The following MAP2K6 variants were observed in gnomAD, a reference collection of about 807,000 sequenced individuals.
MAP2K6 encodes dual specificity mitogen-activated protein kinase kinase 6.
Under a neutral mutation model 53.7 loss-of-function variants are expected in MAP2K6, and 16 were observed. The ratio of observed to expected loss-of-function variants is 0.30; its 90% CI spans 0.20 to 0.45. The LOEUF (loss-of-function observed/expected upper bound fraction) is 0.45. MAP2K6 is among the 20% of genes least tolerant of loss of function. MAP2K6 has a pLI of 1.00. For missense variants in MAP2K6, 204 were observed against 411.9 expected, an observed-to-expected ratio of 0.50 and a Z score of 4.37; for synonymous variants, 132 against 143.1, an observed-to-expected ratio of 0.92 and a Z score of 0.55.
At chr17:69,481,212 C>A (rs1322597138) in intron 1 of MAP2K6, among the ~76,000 whole-genome samples, 1 of 152,122 alleles carries the variant, frequency 6.6e-6, no homozygotes, top group Non-Finnish European at 1.5e-5. Context: ...TTTGACTACT[C>A]CAGGTACCTT....
intron 1 of MAP2K6, among the ~76,000 whole-genome samples, chr17:69,417,744 C>T (rs1905950523): frequency 6.6e-6 from 1 of 152,020 alleles, no homozygotes; most frequent in Admixed American, 6.6e-5. Context: ...CTACACTACC[C>T]GGGAGAGAAA....
Position 69,542,254 on chromosome 17 carries a change from G to A in MAP2K6, c.*501G>A, listed in dbSNP as rs1598324867. 1 of 152,490 alleles carries A rather than the reference G, an allele frequency of 6.6e-6. No individual in the cohort carries two copies. The highest frequency in any genetic ancestry group is 1.9e-4 in the East Asian group (1 of 5,176). The allele number at this position is 152,490 out of a possible 1,614,324, so 9.4% of individuals were successfully genotyped here. On this transcript the variant is annotated 3_prime_UTR_variant, in exon 12 of 12. Transcript: ENST00000590474. ...TATTTATAGGGCTTTTATTTTTTAA[G>A]TTCAATTGTGTCTGTGGTCCAGAAG...
At chr17:69,524,278 A>G (rs1335010213) in intron 8 of MAP2K6, among the ~76,000 whole-genome samples, 2 of 152,082 alleles carry the variant, frequency 1.3e-5, no homozygotes, top group African/African-American at 4.8e-5. Context: ...TCCACACTGT[A>G]TTGCAGGGGA....
In MAP2K6 at chr17:69,548,321, A is replaced by G. The variant is rs911563928; in HGVS notation, c.*6568A>G. 5 of 152,114 alleles carry G rather than the reference A, an allele frequency of 3.3e-5. No homozygotes were observed. The highest frequency in any genetic ancestry group is 6.5e-5 in the Admixed American group (1 of 15,270). 9.4% of individuals were successfully genotyped at this position (152,114 alleles called of 1,614,324 possible). A position where few individuals can be genotyped will look rare whatever the true frequency, so the allele number is the denominator to read the frequency against. On this transcript the variant is annotated 3_prime_UTR_variant, in exon 12 of 12. Coordinates refer to ENST00000590474, the MANE Select transcript of MAP2K6 (RefSeq NM_002758.4). ...CTCTAGTGGAAATCTTGTCTTCCCT[A>G]TAGAACGAGAACAGCTATGTAATTT...
chr17:69,509,843 T>A (rs1399528116), intron 2 of MAP2K6, among the ~76,000 whole-genome samples: 1 of 151,872 alleles, frequency 6.6e-6, no homozygotes, highest in East Asian at 1.9e-4. Context: ...TTTTTGATTG[T>A]TTGTTTTTGT....
chr17:69,491,081 G>A (rs189688726), intron 1 of MAP2K6, among the ~76,000 whole-genome samples: 40 of 148,244 alleles, frequency 2.7e-4, no homozygotes, highest in African/African-American at 9.8e-4. Context: ...ATAGTACTTC[G>A]TGGTGTATAT....
chr17:69,493,134 G>T (rs551902074), intron 1 of MAP2K6, among the ~76,000 whole-genome samples: 2 of 152,110 alleles, frequency 1.3e-5, no homozygotes, highest in African/African-American at 2.4e-5. Context: ...AAAAAGTTGT[G>T]TACAATTCAT....
At chr17:69,521,540 A>G (rs1910468773) in intron 7 of MAP2K6, 1 of 155,274 alleles carries the variant, frequency 6.4e-6, no homozygotes, top group Non-Finnish European at 1.4e-5. Flanking sequence ...GGTATAAAGT[A>G]GAGCCCTTTC....
intron 1 of MAP2K6, among the ~76,000 whole-genome samples, chr17:69,418,181 C>T (rs919347948): frequency 2.0e-5 from 3 of 152,170 alleles, no homozygotes; most frequent in African/African-American, 7.2e-5. Context: ...TCTCAGGACA[C>T]AAAATCAGAA....
At chr17:69,449,532 T>C (rs924681813) in intron 1 of MAP2K6, among the ~76,000 whole-genome samples, 2 of 68,006 alleles carry the variant, frequency 2.9e-5, no homozygotes, top group African/African-American at 1.3e-4. Flanking sequence ...TCTTTCTTTG[T>C]CTTTCTTTCT....
intron 1 of MAP2K6, among the ~76,000 whole-genome samples, chr17:69,478,080 G>A (rs927616539): frequency 3.3e-5 from 5 of 152,182 alleles, no homozygotes; most frequent in Admixed American, 1.3e-4. Flanking sequence ...AGGAAATAGC[G>A]GGACTTCCAT....
At chr17:69,503,719 T>A (rs532247168) in intron 1 of MAP2K6, among the ~76,000 whole-genome samples, 1 of 152,106 alleles carries the variant, frequency 6.6e-6, no homozygotes, top group African/African-American at 2.4e-5. Flanking sequence ...TAAATGACTT[T>A]AAAAAAAATG....
rs533724466 is a variant in MAP2K6 at position 69,533,763 on chromosome 17, T to C, written c.882-2352T>C. Among the ~76,000 whole-genome samples the C allele has an allele frequency of 7.9e-4, 120 of 151,078 alleles. No homozygotes were observed. In the Middle Eastern group the frequency reaches 0.01, roughly 13 times the overall value. ...TTTTTTTTTTTTTTTTACCAGGGTCTGTGTGCAAGTCAGCAACGCTCCTGG... is the reference window on the plus strand; with the variant it reads ...TTTTTTTTTTTTTTTTACCAGGGTCCGTGTGCAAGTCAGCAACGCTCCTGG... On this transcript the variant is annotated intron_variant, in intron 10 of 11. Transcript: ENST00000590474.
chr17:69,424,235 G>A (rs753033376), intron 1 of MAP2K6, among the ~76,000 whole-genome samples: 3 of 152,236 alleles, frequency 2.0e-5, no homozygotes, highest in Non-Finnish European at 2.9e-5. Context: ...TTTTGATAGA[G>A]GGTCTGAAAA....
Position 69,546,179 on chromosome 17 carries a change from A to G in MAP2K6, c.*4426A>G, listed in dbSNP as rs1025713741. On this transcript the variant is annotated 3_prime_UTR_variant, in exon 12 of 12. Transcript: ENST00000590474. ...GACCCTCAAAATGAAATTCTTGGCC[A>G]CTCAACTCTCCACATTATTTCACTC... 6.6e-5 allele frequency: 10 copies of G among 152,054 alleles called. No homozygotes were observed. Among genetic ancestry groups the G allele is most frequent in the African/African-American group, 2.4e-4 (10 of 41,344 alleles). The allele number at this position is 152,054 out of a possible 1,614,324, so 9.4% of individuals were successfully genotyped here.
chr17:69,458,806 A>C (rs568733006), intron 1 of MAP2K6, among the ~76,000 whole-genome samples: 1 of 152,228 alleles, frequency 6.6e-6, no homozygotes, highest in African/African-American at 2.4e-5. Context: ...TTTCCTGTCA[A>C]GTTCATGGTG....
At chr17:69,443,420 A>G (rs1906879847) in intron 1 of MAP2K6, among the ~76,000 whole-genome samples, 1 of 152,186 alleles carries the variant, frequency 6.6e-6, no homozygotes, top group Admixed American at 6.5e-5. Context: ...TGTTTGTGGT[A>G]GTGTTAGACC....
intron 1 of MAP2K6, among the ~76,000 whole-genome samples, chr17:69,472,392 G>T (rs1483985189): frequency 6.6e-6 from 1 of 152,182 alleles, no homozygotes; most frequent in African/African-American, 2.4e-5. Flanking sequence ...TTTTATTATA[G>T]TGTTGATGAG....
intron 10 of MAP2K6, among the ~76,000 whole-genome samples, chr17:69,533,033 A>G (rs989973822): frequency 3.3e-5 from 5 of 152,174 alleles, no homozygotes; most frequent in African/African-American, 9.6e-5. Flanking sequence ...GGTTCAAGTG[A>G]TTCTTGTGCC....
Sources: gnomAD v4.1 joint callset for allele counts (sites outside exome capture counted in the v4.1 genomes callset) on GRCh38, gnomAD v4.1.1 for gene constraint, MANE v1.5 for transcripts, NCBI Gene and HGNC (gene_info 2026-07-23, HGNC 2026-07-21) for gene names.